The following INPP4A variants were observed in gnomAD, a reference collection of about 807,000 sequenced individuals.
INPP4A encodes inositol polyphosphate-4-phosphatase, type I, 107kD.
A neutral mutation model predicts 119.8 loss-of-function variants in INPP4A; 33 were observed. The observed-to-expected ratio is 0.28, with a 90% CI of 0.21 to 0.37. The LOEUF (loss-of-function observed/expected upper bound fraction) is 0.37. INPP4A is among the 10% of genes least tolerant of loss of function. INPP4A has a pLI of 1.00. For missense variants in INPP4A, 956 were observed against 1,289.9 expected (o/e 0.74, Z 3.97); for synonymous variants, 496 against 500.7 (o/e 0.99, Z 0.12).
At chr2:98,523,214 T>C (rs1016051123) in intron 4 of INPP4A, among the ~76,000 whole-genome samples, 2 of 152,202 alleles carry the variant, frequency 1.3e-5, no homozygotes, top group East Asian at 1.9e-4. Flanking sequence ...GTTGGTATAA[T>C]TGAGTTAAAA....
chr2:98,560,333 C>T (rs763889398), intron 17 of INPP4A, among the ~76,000 whole-genome samples: 5 of 152,168 alleles, frequency 3.3e-5, no homozygotes, highest in Non-Finnish European at 7.4e-5. Context: ...TAGAATGTAG[C>T]GAGTCCATGA....
intron 9 of INPP4A, among the ~76,000 whole-genome samples, chr2:98,539,249 A>C (rs1166608607): frequency 6.6e-6 from 1 of 152,226 alleles, no homozygotes; most frequent in East Asian, 1.9e-4. Context: ...TTTCTGTTTC[A>C]CATTGGGGTT....
Position 98,546,462 on chromosome 2 carries a change from G to T in INPP4A, c.1055-124G>T, listed in dbSNP as rs901841286. On this transcript the variant is annotated intron_variant, in intron 12 of 24. Coordinates refer to ENST00000409851, the MANE Select transcript of INPP4A (RefSeq NM_001134225.2). The surrounding 1 kb of genome is among the most constrained non-coding windows in gnomAD (Gnocchi z 4.2). ...GGCAGCCAGGGCTGTGGGATCAGGGGAACCAAAGGCTGTACAGCAGTGGGC... is the reference window on the plus strand; with the variant it reads ...GGCAGCCAGGGCTGTGGGATCAGGGTAACCAAAGGCTGTACAGCAGTGGGC... The T allele has an allele frequency of 3.0e-6, 2 of 658,962 alleles. No homozygotes were observed. Among genetic ancestry groups the T allele is most frequent in the South Asian group, 2.0e-5 (1 of 49,194 alleles). 40.8% of individuals were successfully genotyped at this position (658,962 alleles called of 1,614,324 possible).
rs561410984 is a variant in INPP4A at position 98,590,629 on chromosome 2, A to G, written c.*3021A>G. 16 of 206,906 alleles carry G rather than the reference A, an allele frequency of 7.7e-5. No individual in the cohort carries two copies. In the East Asian group the frequency reaches 1.1e-3, roughly 14 times the overall value. The allele number at this position is 206,906 out of a possible 1,614,324, so 12.8% of individuals were successfully genotyped here. A position where few individuals can be genotyped will look rare whatever the true frequency, so the allele number is the denominator to read the frequency against. On this transcript the variant is annotated 3_prime_UTR_variant, in exon 25 of 25. Coordinates refer to ENST00000409851, the MANE Select transcript of INPP4A (RefSeq NM_001134225.2). ...AGTCCTCGTTGTATGACTTGTCAAA[A>G]TGCAGTTCCACTTGTATTAATATTG...
intron 4 of INPP4A, among the ~76,000 whole-genome samples, chr2:98,525,353 A>T (rs1445883832): frequency 6.6e-6 from 1 of 152,156 alleles, no homozygotes; most frequent in African/African-American, 2.4e-5. Context: ...TCTATTTTTA[A>T]GGGCTCCTGT....
intron 1 of INPP4A, among the ~76,000 whole-genome samples, chr2:98,451,743 G>T (rs1695265220): frequency 6.6e-6 from 1 of 152,104 alleles, no homozygotes; most frequent in Admixed American, 6.5e-5. Context: ...TCTCTAAAGG[G>T]TGTATTCTCA....
chr2:98,576,831 T>C (rs1198811242), intron 23 of INPP4A, among the ~76,000 whole-genome samples, 158 bp from the exon 24 acceptor site: 1 of 152,202 alleles, frequency 6.6e-6, no homozygotes, highest in African/African-American at 2.4e-5. Flanking sequence ...TGGCAGGGCA[T>C]GGAGTTGGGG....
intron 10 of INPP4A, among the ~76,000 whole-genome samples, chr2:98,542,241 C>T (rs1691607273): frequency 6.6e-6 from 1 of 152,254 alleles, no homozygotes; most frequent in East Asian, 1.9e-4. Context: ...CGGCCTGAGG[C>T]CATGGGGCCG....
chr2:98,470,483 A>G (rs1675774717), intron 1 of INPP4A, among the ~76,000 whole-genome samples: 1 of 152,190 alleles, frequency 6.6e-6, no homozygotes, highest in African/African-American at 2.4e-5. Flanking sequence ...GGCCCCTGCA[A>G]GGAGGCCTGG....
chr2:98,534,186 C>T (rs770318955), intron 5 of INPP4A, among the ~76,000 whole-genome samples: 20 of 152,234 alleles, frequency 1.3e-4, no homozygotes, highest in Non-Finnish European at 2.5e-4. Flanking sequence ...TTCACGTCAA[C>T]AATTCTGCTT....
chr2:98,565,536 A>T (rs1196059152), intron 19 of INPP4A, 104 bp from the exon 20 acceptor site: 1 of 1,294,152 alleles, frequency 7.7e-7, no homozygotes, highest in Non-Finnish European at 1.0e-6. Context: ...CCACACCTGC[A>T]CCCCTCCTGT....
chr2:98,554,035 A>C lies in INPP4A; in HGVS notation c.1348-236A>C, dbSNP rs78815124. On this transcript the variant is annotated intron_variant, in intron 14 of 24. Transcript: ENST00000409851. This position sits in a 1 kb window ranked among gnomAD's most constrained non-coding sequence, Gnocchi z 4.7. ...ATCAGAGAATGTCAGAGATTTCTCA[A>C]CCTCTTCTCTTCCTTGGTGGGAAAT... Among the ~76,000 whole-genome samples, 2,395 of 152,290 alleles carry C rather than the reference A, an allele frequency of 0.016. 67 individuals carry two copies. Among genetic ancestry groups the C allele is most frequent in the African/African-American group, 0.055 (2,279 of 41,552 alleles).
intron 1 of INPP4A, among the ~76,000 whole-genome samples, chr2:98,461,646 T>C (rs1251793498): frequency 1.3e-5 from 2 of 152,262 alleles, no homozygotes; most frequent in Non-Finnish European, 2.9e-5. Flanking sequence ...CCATGTCCCC[T>C]CCCTTAAGAC....
At chr2:98,555,429 T>G in intron 15 of INPP4A, 124 bp from the exon 16 acceptor site, 1 of 1,023,102 alleles carries the variant, frequency 9.8e-7, no homozygotes, top group Non-Finnish European at 1.4e-6. Context: ...ATTTCTAAAC[T>G]TTGAGGTATT....
At chr2:98,462,895 G>A (rs1225351495) in intron 1 of INPP4A, among the ~76,000 whole-genome samples, 2 of 151,796 alleles carry the variant, frequency 1.3e-5, no homozygotes, top group East Asian at 3.9e-4. Context: ...ACAGAATCGT[G>A]CTCTGTTGCA....
intron 1 of INPP4A, among the ~76,000 whole-genome samples, chr2:98,513,780 C>G (rs920309367): frequency 3.9e-5 from 6 of 152,218 alleles, no homozygotes; most frequent in African/African-American, 7.2e-5. Flanking sequence ...CCCTGCTGCC[C>G]CTCCCTGTCA....
intron 11 of INPP4A, among the ~76,000 whole-genome samples, 168 bp downstream of exon 11, chr2:98,544,175 T>A (rs1692058104): frequency 6.6e-6 from 1 of 152,196 alleles, no homozygotes; most frequent in Non-Finnish European, 1.5e-5. Context: ...AAAAATAACT[T>A]CTTATGTAGG....
chr2:98,524,335 A>G (rs1465192057), intron 4 of INPP4A, among the ~76,000 whole-genome samples: 4 of 152,216 alleles, frequency 2.6e-5, no homozygotes, highest in South Asian at 2.1e-4. Flanking sequence ...TGTGGTTTCT[A>G]TGGAAATATG....
intron 1 of INPP4A, among the ~76,000 whole-genome samples, chr2:98,448,861 C>A (rs1694737358): frequency 6.6e-6 from 1 of 152,034 alleles, no homozygotes; most frequent in Non-Finnish European, 1.5e-5. Flanking sequence ...TGCCATTGCA[C>A]CTGGCCAATT....
Sources: allele counts gnomAD v4.1 joint callset (sites outside exome capture counted in the v4.1 genomes callset), GRCh38; gene constraint gnomAD v4.1.1; non-coding constraint Gnocchi (gnomAD v3.1); transcripts MANE v1.5; gene names NCBI Gene and HGNC (gene_info 2026-07-23, HGNC 2026-07-21).